The following ROS1 variants were observed in gnomAD, a reference collection of about 807,000 sequenced individuals.
ROS1 encodes proto-oncogene tyrosine-protein kinase ROS.
Under a neutral mutation model 273.5 loss-of-function variants are expected in ROS1, and 263 were observed. The ratio of observed to expected loss-of-function variants is 0.96; its 90% CI spans 0.87 to 1.06. The LOEUF is 1.06. Among genes scored for constraint, ROS1 ranks in the 50% least tolerant of loss-of-function variants. The pLI is 0.00. For missense variants in ROS1, 2,833 were observed against 2,751.1 expected, an observed-to-expected ratio of 1.03 and a Z score of -0.67; for synonymous variants, 1,008 against 954.1, an observed-to-expected ratio of 1.06 and a Z score of -1.04.
chr6:117,413,726 A>G (rs1300504886), intron 4 of ROS1, among the ~76,000 whole-genome samples: 1 of 152,204 alleles, frequency 6.6e-6, no homozygotes, highest in Non-Finnish European at 1.5e-5. Context: ...TCATGCCTGT[A>G]ATCCCAGCAC....
intron 18 of ROS1, among the ~76,000 whole-genome samples, chr6:117,374,850 T>C (rs983647738): frequency 6.6e-6 from 1 of 152,222 alleles, no homozygotes; most frequent in Non-Finnish European, 1.5e-5. Flanking sequence ...ACACTGCTGA[T>C]GGGAATGTAA....
At chr6:117,406,313 G>T (rs1039059203) in intron 5 of ROS1, among the ~76,000 whole-genome samples, 4 of 151,714 alleles carry the variant, frequency 2.6e-5, no homozygotes. Flanking sequence ...GATATGGGAG[G>T]TATCTAAAGT....
chr6:117,393,868 A>G (rs1773274903), intron 11 of ROS1, among the ~76,000 whole-genome samples: 1 of 152,198 alleles, frequency 6.6e-6, no homozygotes, highest in African/African-American at 2.4e-5. Context: ...CTTACCTAAC[A>G]ATAAGACAGG....
At chr6:117,370,459 A>T (rs534719009) in intron 18 of ROS1, among the ~76,000 whole-genome samples, 3 of 152,324 alleles carry the variant, frequency 2.0e-5, no homozygotes, top group African/African-American at 4.8e-5. Flanking sequence ...TATGAAATAA[A>T]ATGATCTCTA....
At chr6:117,403,424 T>C (rs1315789529) in intron 6 of ROS1, 147 bp from the exon 7 acceptor site, 23 of 786,524 alleles carry the variant, frequency 2.9e-5, no homozygotes, top group Non-Finnish European at 4.5e-5. Flanking sequence ...GCCATTCAGA[T>C]ATCAGCGTGC....
chr6:117,376,502 C>T (rs1781342872), intron 18 of ROS1, among the ~76,000 whole-genome samples: 1 of 152,024 alleles, frequency 6.6e-6, no homozygotes, highest in South Asian at 2.1e-4. Context: ...ATTTTTGAGA[C>T]TACTATAACT....
At chr6:117,295,609 C>T (rs1489108674) in intron 43 of ROS1, among the ~76,000 whole-genome samples, 2 of 152,076 alleles carry the variant, frequency 1.3e-5, no homozygotes, top group African/African-American at 4.8e-5. Context: ...GGGTTAATAA[C>T]CAGAATACAT....
rs1397357491 is a variant in ROS1 at position 117,409,566 on chromosome 6, G to A, written c.316+16C>T. 5.0e-6 allele frequency: 8 copies of A among 1,605,100 alleles called. No homozygotes were observed. Among genetic ancestry groups the A allele is most frequent in the Middle Eastern group, 1.7e-4 (1 of 6,042 alleles). The stretch of plus-strand genomic sequence containing the variant: ...TGGTGCAGCCTATTTTTTAAAAGTC[G>A]TGTGTGTCCTCTTACCCAGTACTTC... On this transcript the variant is annotated intron_variant, in intron 5 of 43. Coordinates refer to ENST00000368507, the MANE Select transcript of ROS1 (RefSeq NM_001378902.1).
At chr6:117,313,355 A>G (rs1367712690) in intron 39 of ROS1, among the ~76,000 whole-genome samples, 1 of 152,092 alleles carries the variant, frequency 6.6e-6, no homozygotes, top group Non-Finnish European at 1.5e-5. Context: ...ACTTGAGGTC[A>G]TCAGGAGTTC....
In ROS1 at chr6:117,337,473, T is replaced by C. The variant is rs1002943377; in HGVS notation, c.5062-133A>G. On this transcript the variant is annotated intron_variant, in intron 31 of 43. Transcript: ENST00000368507. ...CTATTAAAGAATAAGAACTTCTTTATGAATGATCCCAAACATTACCCCACT... is the reference window on the plus strand; with the variant it reads ...CTATTAAAGAATAAGAACTTCTTTACGAATGATCCCAAACATTACCCCACT... 4.1e-5 allele frequency: 27 copies of C among 666,128 alleles called. 1 individual carries two copies. The highest frequency in any genetic ancestry group is 8.5e-4 in the Middle Eastern group (2 of 2,340). The allele number at this position is 666,128 out of a possible 1,614,324, so 41.3% of individuals were successfully genotyped here. A position where few individuals can be genotyped will look rare whatever the true frequency, so the allele number is the denominator to read the frequency against.
chr6:117,310,717 C>A (rs1242548954), intron 40 of ROS1, among the ~76,000 whole-genome samples: 1 of 152,124 alleles, frequency 6.6e-6, no homozygotes, highest in Non-Finnish European at 1.5e-5. Flanking sequence ...AGGACATGAA[C>A]TCATTCTTTT....
intron 16 of ROS1, among the ~76,000 whole-genome samples, chr6:117,385,293 G>A (rs1051568519): frequency 1.3e-5 from 2 of 152,144 alleles, no homozygotes; most frequent in African/African-American, 2.4e-5. Flanking sequence ...GGTGGCTCAC[G>A]CCTGTAATCC....
At chr6:117,295,011 A>C (rs1210299590) in intron 43 of ROS1, among the ~76,000 whole-genome samples, 1 of 152,228 alleles carries the variant, frequency 6.6e-6, no homozygotes, top group Admixed American at 6.5e-5. Context: ...AGCTATCCTA[A>C]GCAAAAGGAA....
chr6:117,376,221 AATG>A (rs1158240774), intron 18 of ROS1, among the ~76,000 whole-genome samples: 14 of 152,154 alleles, frequency 9.2e-5, no homozygotes, highest in African/African-American at 2.9e-4. Flanking sequence ...TAGACATTAA[AATG>A]ATATTAAGAG....
intron 1 of ROS1, among the ~76,000 whole-genome samples, chr6:117,424,464 AG>A (rs1378929932): frequency 1.3e-5 from 2 of 151,966 alleles, no homozygotes; most frequent in African/African-American, 2.4e-5. Flanking sequence ...ATTAGAAAAA[AG>A]TTAAAATCTT....
intron 29 of ROS1, among the ~76,000 whole-genome samples, 184 bp from the exon 30 acceptor site, chr6:117,341,816 A>T (rs868601779): frequency 2.6e-5 from 4 of 152,224 alleles, no homozygotes; most frequent in African/African-American, 9.6e-5. Context: ...GCTCCCACTT[A>T]TTTTTGCCCA....
intron 19 of ROS1, 109 bp from the exon 20 acceptor site, chr6:117,365,850 A>G: frequency 9.8e-7 from 1 of 1,015,682 alleles, no homozygotes; most frequent in Non-Finnish European, 1.4e-6. Context: ...AACTGAAACA[A>G]AATTTTTCTT....
At chr6:117,291,992 T>C (rs938863732) in intron 43 of ROS1, among the ~76,000 whole-genome samples, 7 of 151,584 alleles carry the variant, frequency 4.6e-5, no homozygotes, top group Admixed American at 2.0e-4. Context: ...TTTTTTGAGA[T>C]GGAGTCTCAC....
chr6:117,342,361 T>A (rs761315165), intron 29 of ROS1, 39 bp downstream of exon 29: 1 of 1,589,016 alleles, frequency 6.3e-7, no homozygotes, highest in South Asian at 1.1e-5. Context: ...TATATCACAA[T>A]ATTCTGCTTG....
Sources: gnomAD v4.1 joint callset for allele counts (sites outside exome capture counted in the v4.1 genomes callset) on GRCh38, gnomAD v4.1.1 for gene constraint, MANE v1.5 for transcripts, NCBI Gene and HGNC (gene_info 2026-07-23, HGNC 2026-07-21) for gene names.